The following NEDD9 variants were observed in gnomAD, a reference collection of about 807,000 sequenced individuals.
The protein encoded by NEDD9 is enhancer of filamentation 1.
Under a neutral mutation model 76.6 loss-of-function variants are expected in NEDD9, and 26 were observed. The ratio of observed to expected loss-of-function variants is 0.34; its 90% confidence interval spans 0.25 to 0.47. The LOEUF is 0.47. Ranked by LOEUF, NEDD9 falls within the 20% of genes least tolerant of loss-of-function variation. NEDD9 has a pLI of 1.00. For missense variants in NEDD9, 937 were observed against 1,058.5 expected (o/e 0.89, Z 1.59); for synonymous variants, 392 against 414.2 (o/e 0.95, Z 0.65).
At position 11,212,584 on chromosome 6, in the gene NEDD9, G is replaced by A. The variant is rs767189392; in HGVS notation, c.459+697C>T. Among the ~76,000 whole-genome samples the A allele has an allele frequency of 5.1e-4, 78 of 152,192 alleles. 1 individual carries two copies. Among genetic ancestry groups the A allele is most frequent in the Admixed American group, 2.7e-3 (41 of 15,280 alleles). On this transcript the variant is annotated intron_variant, in intron 2 of 6. Coordinates refer to ENST00000379446, the MANE Select transcript of NEDD9 (RefSeq NM_006403.4). ...AGTATTTGGGATTACACAGGGTGTT[G>A]CAGAGCTCCCCACACTGTATTTTTA...
chr6:11,356,866 T>C (rs1762586585), intron 1 of NEDD9, among the ~76,000 whole-genome samples: 1 of 152,180 alleles, frequency 6.6e-6, no homozygotes, highest in South Asian at 2.1e-4. Context: ...TTACACCCCT[T>C]CGCATGTAAG....
At chr6:11,250,054 C>T (rs1366537178) in intron 3 of NEDD9, among the ~76,000 whole-genome samples, 1 of 152,196 alleles carries the variant, frequency 6.6e-6, no homozygotes, top group Non-Finnish European at 1.5e-5. Context: ...CCTGTCACTC[C>T]ACAGGAACAG....
chr6:11,308,361 CTTTTTTT>C (rs933892327), intron 2 of NEDD9, among the ~76,000 whole-genome samples: 361 of 87,866 alleles, frequency 4.1e-3, no homozygotes, highest in Non-Finnish European at 6.6e-3. Context: ...GATGGGACAT[CTTTTTTT>C]TTTTTTTTTT....
intron 3 of NEDD9, among the ~76,000 whole-genome samples, chr6:11,272,907 T>C (rs1760340931): frequency 6.6e-6 from 1 of 152,254 alleles, no homozygotes; most frequent in Non-Finnish European, 1.5e-5. Context: ...TTCATAGCTG[T>C]TTGCTGGATT....
intron 1 of NEDD9, chr6:11,352,116 G>T (rs1762482822): frequency 1.3e-5 from 2 of 152,270 alleles, no homozygotes; most frequent in South Asian, 4.1e-4. Flanking sequence ...CTCTTTCATG[G>T]GCCACGTTCC....
chr6:11,266,408 A>G (rs1760202802), intron 3 of NEDD9, among the ~76,000 whole-genome samples: 1 of 152,130 alleles, frequency 6.6e-6, no homozygotes, highest in South Asian at 2.1e-4. Flanking sequence ...CAACTCCACA[A>G]TAAATAATTA....
At chr6:11,301,998 C>G (rs1207691673) in intron 3 of NEDD9, among the ~76,000 whole-genome samples, 3 of 151,712 alleles carry the variant, frequency 2.0e-5, no homozygotes, top group Non-Finnish European at 2.9e-5. Context: ...TAGCAGAAGG[C>G]AAGAAATAAC....
intron 3 of NEDD9, among the ~76,000 whole-genome samples, chr6:11,297,342 T>C (rs1760924112): frequency 6.6e-6 from 1 of 152,226 alleles, no homozygotes; most frequent in South Asian, 2.1e-4. Context: ...GCCTTCCTCC[T>C]CACACTGATA....
chr6:11,216,546 C>T (rs1160142045), intron 1 of NEDD9, among the ~76,000 whole-genome samples: 2 of 152,232 alleles, frequency 1.3e-5, no homozygotes, highest in African/African-American at 2.4e-5. Context: ...AGCTCAGCCA[C>T]GCAGCATCCT....
Position 11,201,041 on chromosome 6 carries a change from G to C in NEDD9, c.460-7349C>G, listed in dbSNP as rs760253879. 6 of 1,614,178 alleles carry C rather than the reference G, an allele frequency of 3.7e-6. No individual in the cohort carries two copies. The Admixed American group carries it at 1.0e-4, about 27-fold the overall frequency. Reference sequence around the variant, plus strand: ...AATAGGACACTTGCCCATCTCTCTGGAACACCTAGAGACAAAGCATTTTCT... The same window carrying C: ...AATAGGACACTTGCCCATCTCTCTGCAACACCTAGAGACAAAGCATTTTCT... On this transcript the variant is annotated intron_variant, in intron 2 of 6. Coordinates refer to ENST00000379446, the MANE Select transcript of NEDD9 (RefSeq NM_006403.4).
intron 1 of NEDD9, among the ~76,000 whole-genome samples, chr6:11,227,876 T>A (rs1759350022): frequency 6.6e-6 from 1 of 152,124 alleles, no homozygotes; most frequent in Non-Finnish European, 1.5e-5. Flanking sequence ...CAGAGTTTGA[T>A]TGTTTAAACA....
chr6:11,350,352 G>A (rs1221054005), intron 1 of NEDD9, among the ~76,000 whole-genome samples: 2 of 152,190 alleles, frequency 1.3e-5, no homozygotes, highest in African/African-American at 4.8e-5. Context: ...ACAAAGTCTT[G>A]TATCATCTGG....
intron 3 of NEDD9, among the ~76,000 whole-genome samples, chr6:11,268,976 A>G (rs1760252737): frequency 6.6e-6 from 1 of 152,226 alleles, no homozygotes; most frequent in Non-Finnish European, 1.5e-5. Flanking sequence ...GAGGTCAAGT[A>G]TCTGAAATTT....
intron 1 of NEDD9, among the ~76,000 whole-genome samples, chr6:11,231,962 A>G (rs929818427): frequency 2.0e-5 from 3 of 152,216 alleles, no homozygotes; most frequent in Admixed American, 6.5e-5. Flanking sequence ...AAGGATGTCA[A>G]AATTTTCCAT....
At chr6:11,355,107 C>T (rs1413810262) in intron 1 of NEDD9, among the ~76,000 whole-genome samples, 1 of 152,192 alleles carries the variant, frequency 6.6e-6, no homozygotes, top group Non-Finnish European at 1.5e-5. Context: ...TAGCAAACAT[C>T]ACACAAATAT....
intron 2 of NEDD9, chr6:11,199,340 T>C (rs1468518704): frequency 6.6e-6 from 1 of 152,224 alleles, no homozygotes; most frequent in African/African-American, 2.4e-5. Flanking sequence ...AAATCCCGGT[T>C]CTACCACTCA....
At position 11,184,199 on chromosome 6, in the gene NEDD9, T is replaced by C. The variant is rs1757919541; in HGVS notation, c.*963A>G. On this transcript the variant is annotated 3_prime_UTR_variant, in exon 7 of 7. Transcript: ENST00000379446. ...GACCTGGCCAGTTTCCCTCAGGTAA[T>C]GGGGGTAGTAGCACCAAAGTGAATA... The C allele has an allele frequency of 6.6e-6, 1 of 152,170 alleles. No homozygotes were observed. Among genetic ancestry groups the C allele is most frequent in the African/African-American group, 2.4e-5 (1 of 41,438 alleles). The allele number at this position is 152,170 out of a possible 1,614,324, so 9.4% of individuals were successfully genotyped here.
Position 11,197,307 on chromosome 6 carries a change from G to T in NEDD9, c.460-3615C>A, listed in dbSNP as rs144451401. Among the ~76,000 whole-genome samples, 1,319 of 150,814 alleles carry T rather than the reference G, an allele frequency of 8.7e-3. 10 individuals carry two copies. The highest frequency in any genetic ancestry group is 0.017 in the Middle Eastern group (5 of 292). On this transcript the variant is annotated intron_variant, in intron 2 of 6. Coordinates refer to ENST00000379446, the MANE Select transcript of NEDD9 (RefSeq NM_006403.4). Reference sequence around the variant, plus strand: ...TGTGCATTTATTTATAGTTACAAAGGCTTAGCCTTTGGAATTACCAAACTG... The same window carrying T: ...TGTGCATTTATTTATAGTTACAAAGTCTTAGCCTTTGGAATTACCAAACTG...
intron 3 of NEDD9, among the ~76,000 whole-genome samples, chr6:11,300,723 AAAAG>A (rs1761026885): frequency 1.3e-5 from 2 of 152,232 alleles, no homozygotes; most frequent in Non-Finnish European, 2.9e-5. Context: ...ATTCTTAAAG[AAAAG>A]AATTTTCAAC....
Sources: allele counts gnomAD v4.1 joint callset (sites outside exome capture counted in the v4.1 genomes callset), GRCh38; gene constraint gnomAD v4.1.1; transcripts MANE v1.5; gene names NCBI Gene and HGNC (gene_info 2026-07-23, HGNC 2026-07-21).